Variants in PLEKHG4B observed in about 807,000 individuals in gnomAD.
The protein encoded by PLEKHG4B is pleckstrin homology and RhoGEF domain containing G4B.
A neutral mutation model predicts 121.3 loss-of-function variants in PLEKHG4B; 111 were observed. That is an observed-to-expected ratio of 0.92 (90% confidence interval 0.78 to 1.07). The LOEUF (loss-of-function observed/expected upper bound fraction) is 1.07. PLEKHG4B is among the 50% of genes least tolerant of loss of function. The probability of loss-of-function intolerance (pLI) is 0.00; values close to 1 mark genes in which losing one functional copy is unlikely to be tolerated. For synonymous variants in PLEKHG4B, 738 were observed against 725.0 expected, an observed-to-expected ratio of 1.02 and a Z score of -0.29; for missense variants, 1,831 against 1,757.8, an observed-to-expected ratio of 1.04 and a Z score of -0.74.
chr5:163,080 G>T lies in PLEKHG4B; in HGVS notation c.3008G>T (p.Trp1003Leu). The T allele has an allele frequency of 6.4e-7, 1 of 1,563,474 alleles. No homozygotes were observed. The highest frequency in any genetic ancestry group is 8.7e-7 in the Non-Finnish European group (1 of 1,154,074). Residue 1003 changes from tryptophan to leucine, a missense_variant, in exon 13 of 20, where the codon TGG becomes TTG. Coordinates refer to ENST00000637938, the MANE Select transcript of PLEKHG4B (RefSeq NM_052909.5). Reference sequence around the variant, plus strand: ...AGCACGGACAGTGGGGGTGGTGCCTGGGAACCTGCGCAACCACTGTCCGGC... The same window carrying T: ...AGCACGGACAGTGGGGGTGGTGCCTTGGAACCTGCGCAACCACTGTCCGGC... Reference protein sequence around the residue: ...FPSTDSGGGAWEPAQPLSGLP... With the variant: ...FPSTDSGGGALEPAQPLSGLP...
Position 149,063 on chromosome 5 carries a change from A to G in PLEKHG4B, c.1906-2450A>G, listed in dbSNP as rs144341795. Among the ~76,000 whole-genome samples, 468 of 152,368 alleles carry G rather than the reference A, an allele frequency of 3.1e-3. 1 individual carries two copies. The highest frequency in any genetic ancestry group is 0.01 in the African/African-American group (424 of 41,586). On this transcript the variant is annotated intron_variant, in intron 6 of 19. Coordinates refer to ENST00000637938, the MANE Select transcript of PLEKHG4B (RefSeq NM_052909.5). ...TTCTTACCTAAACACCATATAAAAA[A>G]TTAACTCAAATGGATCAAAAACCTA...
intron 13 of PLEKHG4B, among the ~76,000 whole-genome samples, chr5:164,765 CG>C (rs1424375266): frequency 1.0e-5 from 1 of 100,350 alleles, no homozygotes; most frequent in African/African-American, 4.8e-5. Flanking sequence ...AATCCTCTGA[CG>C]GGGCGGAGCT....
intron 2 of PLEKHG4B, among the ~76,000 whole-genome samples, chr5:123,452 ATTC>A (rs1560909329): frequency 1.3e-5 from 2 of 152,116 alleles, no homozygotes; most frequent in African/African-American, 2.4e-5. Context: ...AAGGGGTGGT[ATTC>A]TTCTTTAAAT....
chr5:146,541 A>C (rs1279280221), intron 6 of PLEKHG4B, among the ~76,000 whole-genome samples: 11 of 84,466 alleles, frequency 1.3e-4, no homozygotes, highest in African/African-American at 3.8e-4. Context: ...CTCTTCCCCA[A>C]CCTAAAGTCC....
chr5:161,812 G>T lies in PLEKHG4B; in HGVS notation c.2517G>T (p.Ala839=). 6.2e-7 allele frequency: 1 copy of T among 1,613,856 alleles called. No homozygotes were observed. Among genetic ancestry groups the T allele is most frequent in the Non-Finnish European group, 8.5e-7 (1 of 1,180,028 alleles). The stretch of plus-strand genomic sequence containing the variant: ...CCTGCCAGAAAGGACTACAGCTGGC[G>T]AAGGAGAACCCGCAACGTACAGAGG... The part of the protein sequence containing the change: ...QQSCQKGLQL[A]KENPQRTEEM... The change falls in exon 12 of 20, where the codon GCG becomes GCT. Residue 839 remains alanine (A), a synonymous_variant. Coordinates refer to ENST00000637938, the MANE Select transcript of PLEKHG4B (RefSeq NM_052909.5).
At position 140,341 on chromosome 5, in the gene PLEKHG4B, A is replaced by G; in HGVS notation, c.1102A>G (p.Ser368Gly). ...CTTGCGGAACCCCATGCCCCTGGGCAGCTCTGAGGAGGCCCTCGGGGACCT... is the reference window on the plus strand; with the variant it reads ...CTTGCGGAACCCCATGCCCCTGGGCGGCTCTGAGGAGGCCCTCGGGGACCT... ...EALRNPMPLG[S>G]SEEALGDLAC... The change falls in exon 3 of 20, where the codon AGC becomes GGC. Residue 368 changes from serine (S) to glycine (G), a missense_variant. By Grantham distance (56) the Ser-to-Gly change is moderately conservative (BLOSUM62 0). Transcript: ENST00000637938. 1.3e-6 allele frequency: 2 copies of G among 1,546,060 alleles called. No individual in the cohort carries two copies. Among genetic ancestry groups the G allele is most frequent in the African/African-American group, 1.4e-5 (1 of 73,158 alleles).
intron 1 of PLEKHG4B, among the ~76,000 whole-genome samples, chr5:108,082 G>C (rs1028044497): frequency 1.2e-4 from 19 of 152,232 alleles, no homozygotes; most frequent in Non-Finnish European, 2.2e-4. Context: ...TGCGTCTCCA[G>C]TGGGCTTCCC....
At chr5:106,531 G>A (rs1165965821) in intron 1 of PLEKHG4B, among the ~76,000 whole-genome samples, 2 of 152,174 alleles carry the variant, frequency 1.3e-5, no homozygotes, top group African/African-American at 4.8e-5. Context: ...CTTGGTGGCC[G>A]ATTTAACGAA....
At chr5:140,757 C>G in intron 3 of PLEKHG4B, 41 bp downstream of exon 3, 2 of 1,470,000 alleles carry the variant, frequency 1.4e-6, no homozygotes, top group Non-Finnish European at 1.8e-6. Flanking sequence ...CCCCCACAAC[C>G]TCCCCTACAC....
intron 2 of PLEKHG4B, among the ~76,000 whole-genome samples, chr5:125,449 TA>T (rs1417711543): frequency 1.3e-5 from 2 of 152,140 alleles, no homozygotes; most frequent in Non-Finnish European, 2.9e-5. Context: ...ATTAATAACA[TA>T]AAAAAATTCT....
chr5:161,740 G>A, intron 11 of PLEKHG4B, 43 bp from the exon 12 acceptor site: 2 of 1,612,614 alleles, frequency 1.2e-6, no homozygotes, highest in South Asian at 2.2e-5. Flanking sequence ...ACATGAACGT[G>A]GAAGCACCGG....
intron 7 of PLEKHG4B, among the ~76,000 whole-genome samples, chr5:153,252 A>G (rs966232269): frequency 1.3e-5 from 2 of 152,130 alleles, no homozygotes; most frequent in African/African-American, 4.8e-5. Flanking sequence ...TTGTCTAATA[A>G]TTCCAACATC....
rs1407254738 is a variant in PLEKHG4B at position 143,586 on chromosome 5, G to A, written c.1811+83G>A. On this transcript the variant is annotated intron_variant, in intron 5 of 19. Coordinates refer to ENST00000637938, the MANE Select transcript of PLEKHG4B (RefSeq NM_052909.5). Reference sequence around the variant, plus strand: ...GTGGCAAAGTGGGGGGCACGGGGAGGTGCCAGCTTCCATGGCCAGACTCTG... The same window carrying A: ...GTGGCAAAGTGGGGGGCACGGGGAGATGCCAGCTTCCATGGCCAGACTCTG... 1.9e-6 allele frequency: 3 copies of A among 1,548,674 alleles called. No homozygotes were observed. In the South Asian group the frequency reaches 3.5e-5, roughly 18 times the overall value.
At chr5:154,781 C>T in intron 7 of PLEKHG4B, 94 bp from the exon 8 acceptor site, 1 of 949,234 alleles carries the variant, frequency 1.1e-6, no homozygotes, top group Non-Finnish European at 1.7e-6. Flanking sequence ...GAGCCAGCCT[C>T]TCCATCCTCT....
chr5:165,061 A>AGCTCACACTAATGCTCTGATGGGACGGG (rs1736258739), intron 13 of PLEKHG4B, among the ~76,000 whole-genome samples: 1 of 71,752 alleles, frequency 1.4e-5, no homozygotes, highest in African/African-American at 5.7e-5. Context: ...GACGGGGCGG[A>AGCTCACACTAATGCTCTGATGGGACGGG]GCTCACACTA....
rs545482904 is a variant in PLEKHG4B at position 99,286 on chromosome 5, G to A, written c.45+7010G>A. 2.2e-4 allele frequency among the ~76,000 whole-genome samples: 32 copies of A among 148,542 alleles called. No homozygotes were observed. The South Asian group carries it at 2.8e-3, about 13-fold the overall frequency. On this transcript the variant is annotated intron_variant, in intron 1 of 19. Coordinates refer to ENST00000637938, the MANE Select transcript of PLEKHG4B (RefSeq NM_052909.5). ...CTTTTTCATTTCTGCAAGAAAGACC[G>A]TTGCAGTTTTGATAGGGATTGCACT...
intron 2 of PLEKHG4B, among the ~76,000 whole-genome samples, chr5:127,314 AT>A (rs1414397864): frequency 1.4e-5 from 2 of 147,882 alleles, no homozygotes; most frequent in African/African-American, 2.5e-5. Flanking sequence ...TAACTCCTAT[AT>A]CATTGTTTCT....
At chr5:101,989 A>T (rs112170727) in intron 1 of PLEKHG4B, among the ~76,000 whole-genome samples, 1 of 65,192 alleles carries the variant, frequency 1.5e-5, no homozygotes, top group Admixed American at 1.2e-4. Context: ...GAGAAAGTCT[A>T]TAGGGGAGAG....
At chr5:106,952 T>C (rs1733992266) in intron 1 of PLEKHG4B, among the ~76,000 whole-genome samples, 1 of 152,244 alleles carries the variant, frequency 6.6e-6, no homozygotes. Context: ...TGCCCACATG[T>C]GGAGACTCAT....
Sources: gnomAD v4.1 joint callset for allele counts (sites outside exome capture counted in the v4.1 genomes callset) on GRCh38, gnomAD v4.1.1 for gene constraint, MANE v1.5 for transcripts, NCBI Gene and HGNC (gene_info 2026-07-23, HGNC 2026-07-21) for gene names.